CAST: variants seen among roughly 807,000 people sequenced by gnomAD.
CAST encodes the protein calpastatin.
CAST carries 76 observed loss-of-function variants against 119.6 expected under a neutral mutation model. The observed-to-expected ratio is 0.64, with a 90% confidence interval of 0.53 to 0.77. CAST has a LOEUF of 0.77. Ranked by LOEUF, CAST falls within the 30% of genes least tolerant of loss-of-function variation. The probability of loss-of-function intolerance (pLI) is 0.00; values close to 1 mark genes in which losing one functional copy is unlikely to be tolerated. For missense variants in CAST, 953 were observed against 946.5 expected, an observed-to-expected ratio of 1.01 and a Z score of -0.09; for synonymous variants, 319 against 331.6, an observed-to-expected ratio of 0.96 and a Z score of 0.41.
the CAST span, among the ~76,000 whole-genome samples, chr5:96,507,716 C>T: frequency 1.3e-5 from 2 of 152,040 alleles, no homozygotes; most frequent in East Asian, 1.9e-4. Context: ...TTGTAAGCCT[C>T]GGATGCAAAG....
At chr5:96,286,961 T>C in the CAST span, among the ~76,000 whole-genome samples, 2 of 152,164 alleles carry the variant, frequency 1.3e-5, no homozygotes, top group South Asian at 4.1e-4. Context: ...GAGTCCTAGT[T>C]TTAACAAAAA....
chr5:96,254,319 G>A, the CAST span, among the ~76,000 whole-genome samples: 5 of 151,948 alleles, frequency 3.3e-5, no homozygotes, highest in African/African-American at 9.7e-5. Context: ...GTGACTTTAT[G>A]TTATTACTTA....
At chr5:96,200,966 T>C in the CAST span, among the ~76,000 whole-genome samples, 1 of 152,114 alleles carries the variant, frequency 6.6e-6, no homozygotes, top group Non-Finnish European at 1.5e-5. Flanking sequence ...TAAACACAGA[T>C]TCACATCTAC....
the CAST span, among the ~76,000 whole-genome samples, chr5:96,277,565 G>C: frequency 2.0e-5 from 3 of 152,036 alleles, no homozygotes; most frequent in African/African-American, 7.2e-5. Context: ...ATATTCTCAA[G>C]TTTGTCTAAA....
At chr5:96,680,603 T>TAGATA (rs1751294317) in intron 2 of CAST, among the ~76,000 whole-genome samples, 1 of 151,892 alleles carries the variant, frequency 6.6e-6, no homozygotes, top group African/African-American at 2.4e-5. Flanking sequence ...TGCTTTGTGA[T>TAGATA]AGATAAATCT....
chr5:96,090,414 C>T, the CAST span, among the ~76,000 whole-genome samples: 1 of 151,434 alleles, frequency 6.6e-6, no homozygotes, highest in African/African-American at 2.4e-5. Context: ...CCATTAGTTC[C>T]CACTGAGCTG....
chr5:96,118,673 T>C, the CAST span, among the ~76,000 whole-genome samples: 1 of 151,656 alleles, frequency 6.6e-6, no homozygotes, highest in Non-Finnish European at 1.5e-5. Flanking sequence ...GGACTGGTGT[T>C]CATGGTGCTC....
At chr5:96,035,071 A>ATATATATATATATATATATTTAAG in the CAST span, among the ~76,000 whole-genome samples, 1 of 16,502 alleles carries the variant, frequency 6.1e-5, no homozygotes, top group African/African-American at 2.4e-4. Flanking sequence ...ATATTTAAGT[A>ATATATATATATATATATATTTAAG]TATATATATA....
the CAST span, among the ~76,000 whole-genome samples, chr5:96,105,500 T>C: frequency 6.6e-6 from 1 of 152,166 alleles, no homozygotes; most frequent in Non-Finnish European, 1.5e-5. Context: ...AATCATGCGG[T>C]TTTTGTCTTT....
chr5:96,021,793 AC>A, the CAST span, among the ~76,000 whole-genome samples: 5 of 152,170 alleles, frequency 3.3e-5, no homozygotes, highest in African/African-American at 1.2e-4. Flanking sequence ...TGAAGTTTGT[AC>A]AAAATTTTCT....
At chr5:96,770,730 C>A in intron 30 of CAST, 128 bp downstream of exon 30, 1 of 616,924 alleles carries the variant, frequency 1.6e-6, no homozygotes, top group South Asian at 1.9e-5. Flanking sequence ...CTATCTATCC[C>A]ATAGCATCGC....
chr5:96,567,620 A>G (rs780655528), intron 1 of CAST, among the ~76,000 whole-genome samples: 52 of 151,126 alleles, frequency 3.4e-4, no homozygotes, highest in Admixed American at 1.5e-3. Context: ...TTCCTAACCT[A>G]CTCTTATTTT....
At chr5:96,581,203 A>T (rs917802224) in intron 1 of CAST, among the ~76,000 whole-genome samples, 1 of 152,268 alleles carries the variant, frequency 6.6e-6, no homozygotes, top group Non-Finnish European at 1.5e-5. Context: ...TTATAATATA[A>T]ACCATCCAAA....
upstream of CAST, chr5:96,662,355 T>A (rs1580868177): frequency 1.7e-6 from 1 of 599,716 alleles, no homozygotes; most frequent in South Asian, 2.9e-5. Flanking sequence ...CTGGCAGGAC[T>A]CCCCGCCAGG....
chr5:96,066,313 CTGACTCTCTTTTCCCCAT>C, the CAST span, among the ~76,000 whole-genome samples: 5 of 152,056 alleles, frequency 3.3e-5, no homozygotes, highest in Non-Finnish European at 5.9e-5. Context: ...CTTATGATTT[CTGACTCTCTTTTCCCCAT>C]TGTCTCTGTA....
intron 11 of CAST, among the ~76,000 whole-genome samples, chr5:96,738,680 C>G (rs1762116422): frequency 6.6e-6 from 1 of 152,090 alleles, no homozygotes; most frequent in Non-Finnish European, 1.5e-5. Flanking sequence ...CACCTGTAAT[C>G]CCAGCACTTT....
chr5:95,992,558 C>T, the CAST span, among the ~76,000 whole-genome samples: 1 of 152,080 alleles, frequency 6.6e-6, no homozygotes, highest in Non-Finnish European at 1.5e-5. Flanking sequence ...AGGCTGAGAA[C>T]TGACACAGAC....
At chr5:96,323,235 T>C in the CAST span, among the ~76,000 whole-genome samples, 2 of 152,222 alleles carry the variant, frequency 1.3e-5, no homozygotes, top group Non-Finnish European at 2.9e-5. Flanking sequence ...TCTGTGTACA[T>C]AACACATTTG....
chr5:96,700,474 G>A (rs1035406725), intron 3 of CAST, among the ~76,000 whole-genome samples: 25 of 152,170 alleles, frequency 1.6e-4, no homozygotes, highest in African/African-American at 5.8e-4. Flanking sequence ...TACATAATGA[G>A]TCAGTGTGGG....
Sources: gnomAD v4.1 joint callset for allele counts (sites outside exome capture counted in the v4.1 genomes callset) on GRCh38, gnomAD v4.1.1 for gene constraint, MANE v1.5 for transcripts, NCBI Gene and HGNC (gene_info 2026-07-23, HGNC 2026-07-21) for gene names.